Variants in KIF9 observed in about 807,000 individuals in gnomAD.
KIF9 encodes kinesin-like protein KIF9.
In KIF9, 68 loss-of-function variants were observed where a neutral mutation model predicts 94.8. That is an observed-to-expected ratio of 0.72 (90% confidence interval 0.59 to 0.88). The LOEUF (loss-of-function observed/expected upper bound fraction) is 0.88. KIF9 is among the 40% of genes least tolerant of loss of function. KIF9 has a pLI of 0.00. For missense variants in KIF9, 882 were observed against 982.5 expected, an observed-to-expected ratio of 0.90 and a Z score of 1.37; for synonymous variants, 343 against 362.1, an observed-to-expected ratio of 0.95 and a Z score of 0.60.
chr3:47,250,542 C>T (rs1700206011), intron 10 of KIF9: 1 of 475,078 alleles, frequency 2.1e-6, no homozygotes, highest in Non-Finnish European at 4.3e-6. Context: ...GGTAATGTGC[C>T]AATGTCGTAA....
At chr3:47,276,193 T>A (rs1158294683) in intron 2 of KIF9, among the ~76,000 whole-genome samples, 3 of 152,204 alleles carry the variant, frequency 2.0e-5, no homozygotes, top group African/African-American at 4.8e-5. Flanking sequence ...AGACTCTTGC[T>A]GAAATCTTAC....
chr3:47,275,166 A>G, intron 3 of KIF9, 159 bp downstream of exon 3: 1 of 619,970 alleles, frequency 1.6e-6, no homozygotes, highest in Non-Finnish European at 2.7e-6. Context: ...CATGCCCACA[A>G]TGTCAACAAG....
chr3:47,235,609 A>G lies in KIF9; in HGVS notation c.2226T>C (p.Asp742=), dbSNP rs1200675723. 1 of 1,613,640 alleles carries G rather than the reference A, an allele frequency of 6.2e-7. No individual in the cohort carries two copies. Among genetic ancestry groups the G allele is most frequent in the Non-Finnish European group, 8.5e-7 (1 of 1,179,572 alleles). ...PVNRIVSLGE[D]DQDKFSQLQQ... ...GCAGCTGGCTGAATTTGTCCTGGTC[A>G]TCTTCTCCCTGGGGGAGGACAGTCC... is the stretch of plus-strand genomic sequence containing the variant. The change falls in exon 20 of 21, where the codon GAT becomes GAC. Residue 742 remains aspartate (D), a synonymous_variant. Coordinates refer to ENST00000684063, the MANE Select transcript of KIF9 (RefSeq NM_182902.4).
intron 7 of KIF9, among the ~76,000 whole-genome samples, 189 bp downstream of exon 7, chr3:47,266,787 C>A (rs578121164): frequency 1.3e-5 from 2 of 152,238 alleles, no homozygotes; most frequent in South Asian, 4.2e-4. Flanking sequence ...GAGGTAGGAA[C>A]CGCCCCCAGG....
intron 19 of KIF9, 42 bp downstream of exon 19, chr3:47,235,992 C>T: frequency 1.4e-6 from 2 of 1,420,776 alleles, no homozygotes; most frequent in Non-Finnish European, 2.0e-6. Context: ...CCCATTGCCC[C>T]ATGTTCAACC....
rs1234218007 is a variant in KIF9, at chr3:47,247,264, T to C, written c.1233+109A>G. On this transcript the variant is annotated intron_variant, in intron 12 of 20. Transcript: ENST00000684063. ...GAGTCCAGCACCACCCTCCACCCAC[T>C]GCACCCATTCACATGAGGCTCTGAG... The C allele has an allele frequency of 5.5e-6, 4 of 722,532 alleles. No individual in the cohort carries two copies. In the East Asian group the frequency reaches 1.0e-4, roughly 19 times the overall value. 44.8% of individuals were successfully genotyped at this position (722,532 alleles called of 1,614,324 possible). A position where few individuals can be genotyped will look rare whatever the true frequency, so the allele number is the denominator to read the frequency against.
chr3:47,262,280 T>A (rs1203025369), intron 9 of KIF9, among the ~76,000 whole-genome samples: 1 of 151,552 alleles, frequency 6.6e-6, no homozygotes, highest in Non-Finnish European at 1.5e-5. Flanking sequence ...TTTTGTTTTT[T>A]TTTTTTCTTT....
chr3:47,272,631 G>A (rs1261763835), intron 4 of KIF9, among the ~76,000 whole-genome samples: 1 of 151,506 alleles, frequency 6.6e-6, no homozygotes, highest in African/African-American at 2.4e-5. Context: ...GATTACATGC[G>A]GAAATATTTT....
In KIF9 at chr3:47,245,494, A is replaced by G. The variant is rs1297595895; in HGVS notation, c.1307T>C (p.Val436Ala). ...RVVLSQQEQE[V>A]ESTLRRKYTL... ...GTACTTCCTGCGCAAAGTGGACTCC[A>G]CTTCCTGTTCCTGTTGGCTTGGGAG... Residue 436 changes from valine to alanine, a missense_variant, in exon 14 of 21, where the codon GTG becomes GCG. By Grantham distance (64) the Val-to-Ala change is moderately conservative. Transcript: ENST00000684063. The G allele has an allele frequency of 3.1e-6, 5 of 1,613,762 alleles. No homozygotes were observed. Among genetic ancestry groups the G allele is most frequent in the Non-Finnish European group, 4.2e-6 (5 of 1,179,914 alleles).
At chr3:47,271,087 T>C (rs925473833) in intron 5 of KIF9, 150 bp downstream of exon 5, 3 of 624,096 alleles carry the variant, frequency 4.8e-6, no homozygotes, top group Non-Finnish European at 8.3e-6. Flanking sequence ...GAGGCTGCAG[T>C]GAGCCATGTT....
chr3:47,270,893 C>T lies in KIF9; in HGVS notation c.591+344G>A, dbSNP rs764711066. ...CAGTAGCTTGCCTGTAATCCCTGCA[C>T]TTTGAGAGGCCGAAGTGGGAAGATC... On this transcript the variant is annotated intron_variant, in intron 5 of 20. Coordinates refer to ENST00000684063, the MANE Select transcript of KIF9 (RefSeq NM_182902.4). Among the ~76,000 whole-genome samples the T allele has an allele frequency of 3.4e-5, 5 of 145,380 alleles. No homozygotes were observed. In the South Asian group the frequency reaches 1.1e-3, roughly 31 times the overall value.
chr3:47,238,989 G>A (rs752560665), intron 17 of KIF9, among the ~76,000 whole-genome samples: 3 of 152,148 alleles, frequency 2.0e-5, no homozygotes, highest in East Asian at 1.9e-4. Flanking sequence ...ACCTGAGGTC[G>A]GGAGTTCAAG....
Position 47,244,763 on chromosome 3 carries a change from G to A in KIF9, c.1514+28C>T, listed in dbSNP as rs1286503316. 4.3e-6 allele frequency: 7 copies of A among 1,612,056 alleles called. 1 individual carries two copies. In the African/African-American group the frequency reaches 6.7e-5, roughly 15 times the overall value. On this transcript the variant is annotated intron_variant, in intron 15 of 20. Transcript: ENST00000684063. ...CACCCACCGAGGAGGGCCAGCTGCT[G>A]AGGAGGCAGAGCGGCAAGGTCACTC... is the stretch of plus-strand genomic sequence containing the variant.
chr3:47,244,948 G>T (rs758673324), intron 14 of KIF9, 24 bp from the exon 15 acceptor site: 1 of 1,613,560 alleles, frequency 6.2e-7, no homozygotes, highest in Non-Finnish European at 8.5e-7. Flanking sequence ...CCAGCCAAAG[G>T]TCTGTGAGTT....
intron 20 of KIF9, among the ~76,000 whole-genome samples, chr3:47,230,736 G>A (rs980537732): frequency 6.9e-6 from 1 of 144,778 alleles, no homozygotes; most frequent in Non-Finnish European, 1.5e-5. Flanking sequence ...ATCTTGTGGG[G>A]GAAAAAAAAA....
At chr3:47,234,385 T>C (rs1698854844) in intron 20 of KIF9, among the ~76,000 whole-genome samples, 1 of 151,546 alleles carries the variant, frequency 6.6e-6, no homozygotes, top group Non-Finnish European at 1.5e-5. Context: ...AGGAGCATGC[T>C]GCCACACCCA....
intron 10 of KIF9, among the ~76,000 whole-genome samples, chr3:47,252,440 A>T (rs1477878978): frequency 6.6e-6 from 1 of 151,704 alleles, no homozygotes; most frequent in Admixed American, 6.6e-5. Context: ...GAGGAAAAAA[A>T]AAAAAATTAA....
chr3:47,267,835 A>AAT (rs1701381679), intron 5 of KIF9, among the ~76,000 whole-genome samples: 1 of 151,006 alleles, frequency 6.6e-6, no homozygotes, highest in Non-Finnish European at 1.5e-5. Flanking sequence ...ATTACTATAA[A>AAT]AATAATAATT....
intron 10 of KIF9, among the ~76,000 whole-genome samples, chr3:47,254,393 G>A (rs1700444845): frequency 6.6e-6 from 1 of 152,218 alleles, no homozygotes; most frequent in African/African-American, 2.4e-5. Context: ...GGGAGGGAGA[G>A]GTTGCAGTGA....
Sources: gnomAD v4.1 joint callset for allele counts (sites outside exome capture counted in the v4.1 genomes callset) on GRCh38, gnomAD v4.1.1 for gene constraint, MANE v1.5 for transcripts, NCBI Gene and HGNC (gene_info 2026-07-23, HGNC 2026-07-21) for gene names.